SPOCK3: variants seen among roughly 807,000 people sequenced by gnomAD.
SPOCK3 encodes testican-3.
A neutral mutation model predicts 56.6 loss-of-function variants in SPOCK3; 30 were observed. That is an observed-to-expected ratio of 0.53 (90% confidence interval 0.40 to 0.72). The LOEUF (loss-of-function observed/expected upper bound fraction) is 0.72, where lower values mean the gene tolerates loss of function less well. Ranked by LOEUF, SPOCK3 falls within the 30% of genes least tolerant of loss-of-function variation. SPOCK3 has a pLI of 0.00. For missense variants in SPOCK3, 527 were observed against 530.0 expected (o/e 0.99, Z 0.06); for synonymous variants, 196 against 183.3 (o/e 1.07, Z -0.56).
intron 3 of SPOCK3, among the ~76,000 whole-genome samples, chr4:167,037,700 G>T (rs1392111077): frequency 6.6e-6 from 1 of 152,120 alleles, no homozygotes; most frequent in Non-Finnish European, 1.5e-5. Context: ...GAGAAACAAA[G>T]AAGTCACTAT....
chr4:166,843,659 C>T (rs561940896), intron 6 of SPOCK3, among the ~76,000 whole-genome samples: 1 of 152,280 alleles, frequency 6.6e-6, no homozygotes, highest in South Asian at 2.1e-4. Flanking sequence ...TGATTGCAGC[C>T]TTGTGAGTAC....
intron 2 of SPOCK3, among the ~76,000 whole-genome samples, chr4:167,222,360 C>A (rs927123244): frequency 6.6e-6 from 1 of 151,628 alleles, no homozygotes; most frequent in African/African-American, 2.4e-5. Context: ...GTTCTGGAGA[C>A]TGGTTGCAAA....
chr4:166,902,756 A>G (rs1399137550), intron 5 of SPOCK3, among the ~76,000 whole-genome samples: 1 of 151,560 alleles, frequency 6.6e-6, no homozygotes, highest in Non-Finnish European at 1.5e-5. Context: ...TCTGCTGTTT[A>G]ATCTATTGAC....
intron 4 of SPOCK3, among the ~76,000 whole-genome samples, chr4:166,997,422 C>G (rs977775225): frequency 6.6e-6 from 1 of 152,076 alleles, no homozygotes; most frequent in Admixed American, 6.6e-5. Flanking sequence ...GATGCCTATA[C>G]CCTTCTTAAT....
At chr4:167,131,011 C>G (rs1762658667) in intron 2 of SPOCK3, among the ~76,000 whole-genome samples, 1 of 151,734 alleles carries the variant, frequency 6.6e-6, no homozygotes, top group Non-Finnish European at 1.5e-5. Context: ...AAATGGTGAT[C>G]AAAAATTAAC....
intron 4 of SPOCK3, among the ~76,000 whole-genome samples, chr4:166,963,216 C>T (rs915884673): frequency 7.9e-5 from 12 of 151,906 alleles, no homozygotes; most frequent in African/African-American, 1.9e-4. Flanking sequence ...ACTTGACTAC[C>T]ATTACTAAAA....
At chr4:166,855,991 G>T (rs1174249253) in intron 6 of SPOCK3, among the ~76,000 whole-genome samples, 1 of 152,276 alleles carries the variant, frequency 6.6e-6, no homozygotes, top group Admixed American at 6.5e-5. Context: ...TAATGTAGGG[G>T]AGATTATGTT....
intron 2 of SPOCK3, among the ~76,000 whole-genome samples, chr4:167,148,521 G>GT (rs889863043): frequency 2.4e-4 from 37 of 151,998 alleles, no homozygotes; most frequent in African/African-American, 8.7e-4. Context: ...CCACTTACCT[G>GT]TTTAGTCATC....
intron 2 of SPOCK3, among the ~76,000 whole-genome samples, chr4:167,088,230 A>C (rs1287641232): frequency 1.3e-5 from 2 of 152,122 alleles, no homozygotes; most frequent in African/African-American, 4.8e-5. Context: ...TCTGGGCTCA[A>C]CCTTCAGAGG....
chr4:167,070,849 A>G (rs1356982412), intron 2 of SPOCK3, among the ~76,000 whole-genome samples: 1 of 151,956 alleles, frequency 6.6e-6, no homozygotes, highest in Non-Finnish European at 1.5e-5. Flanking sequence ...GTATAAAGGA[A>G]TTATCTATAT....
At chr4:167,113,616 G>T (rs1336404725) in intron 2 of SPOCK3, among the ~76,000 whole-genome samples, 1 of 151,958 alleles carries the variant, frequency 6.6e-6, no homozygotes, top group Admixed American at 6.6e-5. Context: ...GGAGAAGTTG[G>T]CAGGATTAAA....
At chr4:167,114,714 A>G (rs1384022240) in intron 2 of SPOCK3, among the ~76,000 whole-genome samples, 6 of 152,136 alleles carry the variant, frequency 3.9e-5, no homozygotes, top group Non-Finnish European at 8.8e-5. Flanking sequence ...AATAACTCTG[A>G]GTAATGCAGA....
At chr4:166,909,504 G>A (rs1258996060) in intron 5 of SPOCK3, among the ~76,000 whole-genome samples, 1 of 151,854 alleles carries the variant, frequency 6.6e-6, no homozygotes. Context: ...AGAACTTGTA[G>A]GAATATTATT....
intron 2 of SPOCK3, among the ~76,000 whole-genome samples, chr4:167,127,590 G>A (rs1197855019): frequency 6.6e-6 from 1 of 152,020 alleles, no homozygotes; most frequent in Non-Finnish European, 1.5e-5. Context: ...ACCACGCCCA[G>A]CTAATTTTTG....
intron 2 of SPOCK3, among the ~76,000 whole-genome samples, chr4:167,206,784 C>T (rs1365095620): frequency 6.6e-6 from 1 of 151,340 alleles, no homozygotes; most frequent in East Asian, 1.9e-4. Flanking sequence ...TAATGAAAAA[C>T]TTATGTTGCT....
At chr4:166,970,460 G>A (rs1745251211) in intron 4 of SPOCK3, among the ~76,000 whole-genome samples, 3 of 152,114 alleles carry the variant, frequency 2.0e-5, no homozygotes, top group South Asian at 2.1e-4. Context: ...GCGGTGGCTT[G>A]TGCCTGTAAT....
chr4:166,955,468 ATAT>A (rs1415405259), intron 4 of SPOCK3, among the ~76,000 whole-genome samples: 2 of 146,320 alleles, frequency 1.4e-5, no homozygotes, highest in African/African-American at 2.5e-5. Flanking sequence ...TATAAATATT[ATAT>A]TATATTTAAT....
chr4:167,024,492 A>C (rs962093809), intron 3 of SPOCK3, among the ~76,000 whole-genome samples: 2 of 152,056 alleles, frequency 1.3e-5, no homozygotes, highest in African/African-American at 4.8e-5. Context: ...ATGCCCTGAG[A>C]GTTAATTTTA....
At chr4:166,807,484 T>C (rs1743302853) in intron 6 of SPOCK3, among the ~76,000 whole-genome samples, 1 of 152,138 alleles carries the variant, frequency 6.6e-6, no homozygotes, top group Non-Finnish European at 1.5e-5. Flanking sequence ...GTTGTGTTGT[T>C]GTTTGTCCTG....
Sources: gnomAD v4.1 joint callset for allele counts (sites outside exome capture counted in the v4.1 genomes callset) on GRCh38, gnomAD v4.1.1 for gene constraint, MANE v1.5 for transcripts, NCBI Gene and HGNC (gene_info 2026-07-23, HGNC 2026-07-21) for gene names.